CPSF4L: variants seen among roughly 807,000 people sequenced by gnomAD.
CPSF4L encodes the protein cleavage and polyadenylation specific factor 4 like.
CPSF4L carries 18 observed loss-of-function variants against 24.0 expected under a neutral mutation model. The ratio of observed to expected loss-of-function variants is 0.75; its 90% CI spans 0.52 to 1.11. The LOEUF (loss-of-function observed/expected upper bound fraction) is 1.11. Ranked by LOEUF, CPSF4L falls within the 50% of genes least tolerant of loss-of-function variation. CPSF4L has a pLI of 0.00. For synonymous variants in CPSF4L, 72 were observed against 77.2 expected, an observed-to-expected ratio of 0.93 and a Z score of 0.35; for missense variants, 211 against 221.8, an observed-to-expected ratio of 0.95 and a Z score of 0.31.
chr17:73,243,295 T>C, the CPSF4L span: 200,870 of 389,650 alleles, frequency 0.52, 52,220 homozygotes, highest in East Asian at 0.63. Context: ...GCTGGGATTA[T>C]AGGCATGCAC....
In CPSF4L at chr17:73,257,720, G is replaced by C; in HGVS notation, c.268C>G (p.Leu90Val). 1 of 1,551,736 alleles carries C rather than the reference G, an allele frequency of 6.4e-7. No homozygotes were observed. Among genetic ancestry groups the C allele is most frequent in the Non-Finnish European group, 8.7e-7 (1 of 1,147,018 alleles). Residue 90 changes from leucine to valine, a missense_variant, in exon 3 of 6, where the codon CTC becomes GTC. Coordinates refer to ENST00000344935, the MANE Select transcript of CPSF4L (RefSeq NM_001129885.1). ...AAGTAGCACTCAGGCATCCTGGTGA[G>C]GTCATACTGGTGCAGGAACTTGCAG... ...DHCKFLHQYD[L>V]TRMPECYFYS...
chr17:73,250,924 C>G, intron 5 of CPSF4L: 1 of 1,401,828 alleles, frequency 7.1e-7, no homozygotes. Context: ...CCTTGCCCTC[C>G]CAGCTCTCAG....
chr17:73,244,525 T>C (rs2061910962), downstream of CPSF4L: 1 of 118,578 alleles, frequency 8.4e-6, no homozygotes, highest in Non-Finnish European at 1.6e-5. Flanking sequence ...ATCGCGCCAC[T>C]ACTCCAGCCT....
chr17:73,249,148 GATGGTAGGAACTCA>G (rs943035659), intron 5 of CPSF4L, among the ~76,000 whole-genome samples: 2 of 152,132 alleles, frequency 1.3e-5, no homozygotes, highest in African/African-American at 4.8e-5. Context: ...CAACGTCTGT[GATGGTAGGAACTCA>G]TTGACAGCAG....
chr17:73,245,624 A>G, downstream of CPSF4L: 1 of 985,424 alleles, frequency 1.0e-6, no homozygotes, highest in Non-Finnish European at 1.2e-6. Context: ...GGCAGAAAAT[A>G]AGCCCACATC....
At chr17:73,253,819 A>G in intron 4 of CPSF4L, 112 bp downstream of exon 4, 1 of 636,938 alleles carries the variant, frequency 1.6e-6, no homozygotes, top group Non-Finnish European at 2.7e-6. Context: ...AAGGCCTTCT[A>G]TTTGGGGTTT....
rs1403024394 is a variant in CPSF4L, at chr17:73,252,740, A to G, written c.404-17T>C. 2.7e-6 allele frequency: 4 copies of G among 1,507,172 alleles called. No individual in the cohort carries two copies. Among genetic ancestry groups the G allele is most frequent in the African/African-American group, 2.8e-5 (2 of 71,964 alleles). 93.4% of individuals were successfully genotyped at this position (1,507,172 alleles called of 1,614,324 possible). On this transcript the variant is annotated splice_polypyrimidine_tract_variant and intron_variant, in intron 4 of 5. Transcript: ENST00000344935. ...ACAGAGGACCTGCTGAGCAAAGAGA[A>G]AGTGATGAGAAGGATCCGCTTCAGC...
At chr17:73,251,064 G>C in intron 5 of CPSF4L, 1 of 1,549,768 alleles carries the variant, frequency 6.5e-7, no homozygotes, top group Non-Finnish European at 8.7e-7. Flanking sequence ...TTCCACAGCA[G>C]AAATAGGAGG....
chr17:73,243,085 T>TTTTG, the CPSF4L span: 6 of 877,140 alleles, frequency 6.8e-6, no homozygotes, highest in Admixed American at 2.8e-5. Context: ...GAATTTTTTT[T>TTTTG]TTTTTTTTTT....
At chr17:73,250,193 A>G (rs972483581) in intron 5 of CPSF4L, 2 of 1,522,438 alleles carry the variant, frequency 1.3e-6, no homozygotes, top group African/African-American at 2.8e-5. Context: ...TGGGAAACAG[A>G]ATCCCATAGT....
intron 3 of CPSF4L, among the ~76,000 whole-genome samples, chr17:73,256,447 C>T (rs751669114): frequency 6.6e-5 from 10 of 152,202 alleles, no homozygotes; most frequent in South Asian, 2.1e-4. Context: ...GAGGAGCAGC[C>T]GCTTGGGGGG....
chr17:73,249,905 A>G (rs2145272482), intron 5 of CPSF4L: 1 of 206,258 alleles, frequency 4.8e-6, no homozygotes, highest in Non-Finnish European at 9.6e-6. Flanking sequence ...AGCTGAAGCC[A>G]TATACAGAGG....
In CPSF4L at chr17:73,261,785, T is replaced by A. The variant is rs1226904483; in HGVS notation, c.34A>T (p.Thr12Ser). The A allele has an allele frequency of 6.4e-7, 1 of 1,551,604 alleles. No homozygotes were observed. Among genetic ancestry groups the A allele is most frequent in the Non-Finnish European group, 8.7e-7 (1 of 1,146,978 alleles). Residue 12 changes from threonine (T) to serine (S), a missense_variant, in exon 1 of 6, where the codon ACC becomes TCC. Thr to Ser is a moderately conservative substitution (Grantham distance 58). Coordinates refer to ENST00000344935, the MANE Select transcript of CPSF4L (RefSeq NM_001129885.1). Reference protein sequence around the residue: ...QEVIAGLERFTFAFEKDVEMQ... With the variant: ...QEVIAGLERFSFAFEKDVEMQ... ...TCGACATCCTTCTCGAAGGCAAAGG[T>A]GAACCGCTCTAGCCCCGCAATGACC...
intron 5 of CPSF4L, among the ~76,000 whole-genome samples, chr17:73,251,420 G>A (rs888034127): frequency 6.6e-6 from 1 of 152,140 alleles, no homozygotes; most frequent in Non-Finnish European, 1.5e-5. Flanking sequence ...GGCCCCAGTA[G>A]CCGTCAGTAG....
chr17:73,261,922 C>T (rs1025571047), upstream of CPSF4L: 4 of 832,016 alleles, frequency 4.8e-6, no homozygotes, highest in Non-Finnish European at 7.8e-6. Context: ...ATGCCTCCCC[C>T]TTCACCCCAG....
intron 3 of CPSF4L, among the ~76,000 whole-genome samples, chr17:73,254,704 C>T (rs955488722): frequency 6.6e-6 from 1 of 152,098 alleles, no homozygotes. Context: ...AGTGCAATGG[C>T]GCAATCTTAG....
At chr17:73,258,811 A>AGCCCC (rs1369771799) in intron 2 of CPSF4L, among the ~76,000 whole-genome samples, 4 of 152,198 alleles carry the variant, frequency 2.6e-5, no homozygotes, top group African/African-American at 9.6e-5. Context: ...CACCCAGCCC[A>AGCCCC]GCCCCTGGCA....
chr17:73,252,479 G>A, intron 5 of CPSF4L, 151 bp downstream of exon 5: 1 of 651,242 alleles, frequency 1.5e-6, no homozygotes, highest in South Asian at 1.8e-5. Flanking sequence ...GATTGCCAGG[G>A]TCAGGCAGTG....
intron 5 of CPSF4L, chr17:73,250,270 C>T (rs1266604644): frequency 6.4e-7 from 1 of 1,550,744 alleles, no homozygotes; most frequent in Middle Eastern, 1.7e-4. Flanking sequence ...TTGAGTCTTA[C>T]TGTACTTACT....
Sources: gnomAD v4.1 joint callset for allele counts (sites outside exome capture counted in the v4.1 genomes callset) on GRCh38, gnomAD v4.1.1 for gene constraint, MANE v1.5 for transcripts, NCBI Gene and HGNC (gene_info 2026-07-23, HGNC 2026-07-21) for gene names.